The following WHRN variants were observed in gnomAD, a reference collection of about 807,000 sequenced individuals.
WHRN encodes CASK-interacting protein CIP98.
Under a neutral mutation model 68.3 loss-of-function variants are expected in WHRN, and 41 were observed. The observed-to-expected ratio is 0.60, with a 90% CI of 0.47 to 0.78. WHRN has a LOEUF of 0.78. Ranked by LOEUF, WHRN falls within the 30% of genes least tolerant of loss-of-function variation. The probability of loss-of-function intolerance (pLI) is 0.00; values close to 1 mark genes in which losing one functional copy is unlikely to be tolerated. For missense variants in WHRN, 1,243 were observed against 1,244.7 expected, an observed-to-expected ratio of 1.00 and a Z score of 0.02; for synonymous variants, 560 against 561.3, an observed-to-expected ratio of 1.00 and a Z score of 0.03.
intron 7 of WHRN, among the ~76,000 whole-genome samples, chr9:114,411,537 G>GC (rs1021333832): frequency 6.6e-6 from 1 of 152,178 alleles, no homozygotes; most frequent in Non-Finnish European, 1.5e-5. Flanking sequence ...CTGCTCTGGC[G>GC]CATCAGGGGC....
Position 114,424,983 on chromosome 9 carries a change from C to T in WHRN, c.1203+5G>A. 1 of 1,614,076 alleles carries T rather than the reference C, an allele frequency of 6.2e-7. No individual in the cohort carries two copies. Among genetic ancestry groups the T allele is most frequent in the Non-Finnish European group, 8.5e-7 (1 of 1,179,922 alleles). ...GCAGAGAATACCCCTTAGAGGATGT[C>T]CTACCTTGTTTATTCCTTCTGTTGT... is the stretch of plus-strand genomic sequence containing the variant. On this transcript the variant is annotated splice_donor_5th_base_variant and intron_variant, in intron 5 of 11. Transcript: ENST00000362057.
intron 7 of WHRN, among the ~76,000 whole-genome samples, chr9:114,408,989 T>C (rs1420060613): frequency 1.3e-5 from 2 of 152,246 alleles, no homozygotes; most frequent in African/African-American, 4.8e-5. Context: ...TCATGGTTAT[T>C]GGGCCTTTGG....
chr9:114,462,670 C>T (rs749082934), intron 3 of WHRN, among the ~76,000 whole-genome samples: 10 of 152,218 alleles, frequency 6.6e-5, no homozygotes, highest in Non-Finnish European at 8.8e-5. Flanking sequence ...TAGTTAAGAA[C>T]GTGGACTCAG....
Position 114,504,426 on chromosome 9 carries a change from CG to C in WHRN, c.375del (p.Ala126ProfsTer16), listed in dbSNP as rs751838091. ...CCCGCGCTGTCGGGGCCGCCCCAGGCGGGCTGCCTGTAGGGGGTGGTGGCGG... is the reference window on the plus strand; with the variant it reads ...CCCGCGCTGTCGGGGCCGCCCCAGGCGGCTGCCTGTAGGGGGTGGTGGCGG... Reference protein sequence around the residue: ...YLPATTPYRQPAWGGPDSAGP... With the variant: ...YLPATTPYRQXAWGGPDSAGP... On this transcript the variant is annotated frameshift_variant, in exon 1 of 12. Coordinates refer to ENST00000362057, the MANE Select transcript of WHRN (RefSeq NM_015404.4). LOFTEE classifies it high-confidence loss of function. The C allele has an allele frequency of 3.7e-6, 6 of 1,606,444 alleles. No homozygotes were observed. The highest frequency in any genetic ancestry group is 1.7e-5 in the Admixed American group (1 of 59,980).
chr9:114,445,243 T>C (rs781099803), intron 3 of WHRN, among the ~76,000 whole-genome samples: 4 of 152,120 alleles, frequency 2.6e-5, no homozygotes, highest in Non-Finnish European at 5.9e-5. Flanking sequence ...AGTTTCACCA[T>C]GTTGCCCAGG....
At position 114,403,976 on chromosome 9, in the gene WHRN, T is replaced by G. The variant is rs1279379160; in HGVS notation, c.2338A>C (p.Arg780=). The change falls in exon 10 of 12, where the codon AGG becomes CGG. Residue 780 remains arginine (R), a synonymous_variant. Transcript: ENST00000362057. ...CTGCTCTTGGTGGACACCGACTGCC[T>G]TCCTCGGCCTGGGGCGCTGGCCTCT... ...EAEASAPGRG[R]QSVSTKSRSS... 6.2e-7 allele frequency: 1 copy of G among 1,611,232 alleles called. No homozygotes were observed. The highest frequency in any genetic ancestry group is 2.2e-5 in the East Asian group (1 of 44,826).
At chr9:114,466,062 G>A (rs1219597116) in intron 3 of WHRN, among the ~76,000 whole-genome samples, 1 of 152,170 alleles carries the variant, frequency 6.6e-6, no homozygotes, top group Non-Finnish European at 1.5e-5. Flanking sequence ...CGACAAGTTC[G>A]GGCTGGCCTG....
In WHRN at chr9:114,466,285, T is replaced by C. The variant is rs772458908; in HGVS notation, c.945A>G (p.Ala315=). The C allele has an allele frequency of 6.2e-6, 10 of 1,613,986 alleles. No homozygotes were observed. The Admixed American group carries it at 1.5e-4, about 24-fold the overall frequency. Residue 315 remains alanine, a synonymous_variant, in exon 3 of 12, where the codon GCA becomes GCG. Coordinates refer to ENST00000362057, the MANE Select transcript of WHRN (RefSeq NM_015404.4). Reference sequence around the variant, plus strand: ...CCCTCACCTTGAGCCCGCTGCCTTCTGCTTCAGAGCCTGGGTCCACGCCAG... The same window carrying C: ...CCCTCACCTTGAGCCCGCTGCCTTCCGCTTCAGAGCCTGGGTCCACGCCAG... ...YITGVDPGSE[A]EGSGLKVGDQ...
intron 7 of WHRN, among the ~76,000 whole-genome samples, chr9:114,420,268 A>T (rs1359179745): frequency 6.6e-6 from 1 of 151,940 alleles, no homozygotes; most frequent in Non-Finnish European, 1.5e-5. Flanking sequence ...GGAGGGAAAG[A>T]CCCCACTGCC....
Position 114,424,401 on chromosome 9 carries a change from C to T in WHRN, c.1349G>A (p.Arg450His), listed in dbSNP as rs200377723. 274 of 1,612,970 alleles carry T rather than the reference C, an allele frequency of 1.7e-4. No individual in the cohort carries two copies. In the East Asian group the frequency reaches 5.0e-3, roughly 30 times the overall value. Residue 450 changes from arginine (R) to histidine (H), a missense_variant, in exon 6 of 12, where the codon CGT (arginine) becomes CAT (histidine). Physicochemically the swap from Arg to His is conservative, Grantham distance 29. Coordinates refer to ENST00000362057, the MANE Select transcript of WHRN (RefSeq NM_015404.4). The part of the protein sequence containing the change: ...ATMAYYLDEY[R>H]GGSVSVEALV... Reference sequence around the variant, plus strand: ...GGCCTCCACAGAGACGCTGCCACCACGGTACTCATCCAGGTAGTAGGCCAT... The same window carrying T: ...GGCCTCCACAGAGACGCTGCCACCATGGTACTCATCCAGGTAGTAGGCCAT...
intron 1 of WHRN, among the ~76,000 whole-genome samples, chr9:114,488,908 C>T (rs1030352291): frequency 1.3e-5 from 2 of 152,266 alleles, no homozygotes; most frequent in South Asian, 2.1e-4. Context: ...ATAAAACATA[C>T]GTGGACTCTG....
chr9:114,446,861 G>C (rs1482669874), intron 3 of WHRN, among the ~76,000 whole-genome samples: 1 of 151,992 alleles, frequency 6.6e-6, no homozygotes, highest in Non-Finnish European at 1.5e-5. Context: ...AGGAGCTCTT[G>C]GAAAAGCTGT....
In WHRN at chr9:114,402,759, G is replaced by T. The variant is rs1167769461; in HGVS notation, c.2719C>A (p.Leu907Ile). The change falls in exon 12 of 12, where the codon CTC (leucine) becomes ATC (isoleucine). Residue 907 changes from leucine (L) to isoleucine (I), a missense_variant. Coordinates refer to ENST00000362057, the MANE Select transcript of WHRN (RefSeq NM_015404.4). ...DFLVTEFNVM[L>I] ...AGGCCCTCAGGCCTTGGCCTCTAGA[G>T]CATCACATTGAACTCAGTGACCAGA... 1 of 1,613,918 alleles carries T rather than the reference G, an allele frequency of 6.2e-7. No homozygotes were observed. The highest frequency in any genetic ancestry group is 1.1e-5 in the South Asian group (1 of 91,092).
intron 2 of WHRN, among the ~76,000 whole-genome samples, chr9:114,473,678 C>A (rs1054296073): frequency 6.6e-6 from 1 of 152,170 alleles, no homozygotes; most frequent in Non-Finnish European, 1.5e-5. Flanking sequence ...TGGTTCATTG[C>A]CACATTAACA....
chr9:114,454,227 G>C (rs1839580688), intron 3 of WHRN, among the ~76,000 whole-genome samples: 1 of 152,068 alleles, frequency 6.6e-6, no homozygotes, highest in Admixed American at 6.5e-5. Flanking sequence ...TCTCTCAACT[G>C]TTCTACTCAG....
intron 7 of WHRN, among the ~76,000 whole-genome samples, chr9:114,423,067 A>C (rs1485344750): frequency 6.6e-6 from 1 of 151,944 alleles, no homozygotes; most frequent in Non-Finnish European, 1.5e-5. Flanking sequence ...CCCAGACTGC[A>C]AGCCCCAGGA....
intron 8 of WHRN, among the ~76,000 whole-genome samples, chr9:114,407,482 G>A (rs1241333716): frequency 1.3e-5 from 2 of 152,188 alleles, no homozygotes; most frequent in Non-Finnish European, 2.9e-5. Flanking sequence ...GGTGCACAGT[G>A]AGGGGCAGCT....
chr9:114,423,239 G>T, intron 7 of WHRN, 75 bp downstream of exon 7: 1 of 1,490,748 alleles, frequency 6.7e-7, no homozygotes, highest in Non-Finnish European at 9.3e-7. Flanking sequence ...TCGAACTCAG[G>T]CTGGTCTCAC....
chr9:114,425,242 C>A, intron 4 of WHRN: 1 of 684,786 alleles, frequency 1.5e-6, no homozygotes. Context: ...GTGTGCACGG[C>A]ACCTCCAAAA....
Sources: gnomAD v4.1 joint callset for allele counts (sites outside exome capture counted in the v4.1 genomes callset) on GRCh38, gnomAD v4.1.1 for gene constraint, MANE v1.5 for transcripts, NCBI Gene and HGNC (gene_info 2026-07-23, HGNC 2026-07-21) for gene names.